PCDH11Y: variants seen among roughly 807,000 people sequenced by gnomAD.
PCDH11Y encodes protocadherin 11 Y-linked.
For missense variants in PCDH11Y, 12 were observed against 224.8 expected (o/e 0.05, Z 6.05); for synonymous variants, 9 against 83.6 (o/e 0.11, Z 4.87).
intron 2 of PCDH11Y, among the ~76,000 whole-genome samples, chrY:5,194,780 G>C: frequency 3.1e-5 from 1 of 32,539 alleles, no homozygotes; most frequent in Non-Finnish European, 7.5e-5. Flanking sequence ...TCCACCACGT[G>C]GAAGGGGACC....
intron 2 of PCDH11Y, among the ~76,000 whole-genome samples, chrY:5,332,356 CAT>C (rs2053132153): frequency 3.0e-5 from 1 of 33,836 alleles, no homozygotes; most frequent in Non-Finnish European, 7.3e-5. Context: ...CATGGTCACT[CAT>C]ATTTGACTCA....
Position 5,724,989 on chromosome Y carries a change from C to G in PCDH11Y, c.3353-12283C>G, listed in dbSNP as rs372102713. On this transcript the variant is annotated intron_variant, in intron 4 of 4. Transcript: ENST00000400457. Reference sequence around the variant, plus strand: ...AATTTTGCAGAAATAAGACGCTAATCTGGAGCTGGGTGCAGTGGCTGACGC... The same window carrying G: ...AATTTTGCAGAAATAAGACGCTAATGTGGAGCTGGGTGCAGTGGCTGACGC... Among the ~76,000 whole-genome samples the G allele has an allele frequency of 0.014, 463 of 33,253 alleles. No individual in the cohort carries two copies. The Middle Eastern group carries it at 0.27, about 19-fold the overall frequency. The allele number at this position is 33,253 out of a possible 37,273, so 89.2% of individuals were successfully genotyped here.
chrY:5,417,041 A>G, intron 2 of PCDH11Y, among the ~76,000 whole-genome samples: 1 of 29,384 alleles, frequency 3.4e-5, no homozygotes, highest in Non-Finnish European at 8.0e-5. Flanking sequence ...TAGTTCCAGA[A>G]GCTGTATGGA....
At chrY:5,179,053 G>T in intron 2 of PCDH11Y, among the ~76,000 whole-genome samples, 1 of 33,032 alleles carries the variant, frequency 3.0e-5, no homozygotes, top group South Asian at 6.8e-4. Context: ...TTGATTCCAT[G>T]TCCTTGGTAT....
At chrY:5,490,387 A>G (rs2053337486) in intron 2 of PCDH11Y, among the ~76,000 whole-genome samples, 1 of 34,249 alleles carries the variant, frequency 2.9e-5, no homozygotes, top group Non-Finnish European at 7.3e-5. Flanking sequence ...TGACCTAAGC[A>G]CTTACCAAAG....
chrY:5,319,349 A>G (rs2053110448), intron 2 of PCDH11Y, among the ~76,000 whole-genome samples: 1 of 33,498 alleles, frequency 3.0e-5, no homozygotes, highest in African/African-American at 1.2e-4. Context: ...GGGAAAAACA[A>G]CAACAACTGT....
At chrY:5,231,303 A>T in intron 2 of PCDH11Y, among the ~76,000 whole-genome samples, 1 of 33,055 alleles carries the variant, frequency 3.0e-5, no homozygotes, top group Non-Finnish European at 7.4e-5. Context: ...GGCTTTCCAG[A>T]TGTTTGAAAG....
intron 3 of PCDH11Y, among the ~76,000 whole-genome samples, chrY:5,577,382 C>A (rs2053447116): frequency 6.2e-5 from 2 of 32,506 alleles, no homozygotes; most frequent in African/African-American, 2.4e-4. Context: ...AGAAAATAAG[C>A]CATCTGGTAT....
At chrY:5,495,572 A>G (rs2053343544) in intron 2 of PCDH11Y, among the ~76,000 whole-genome samples, 1 of 33,525 alleles carries the variant, frequency 3.0e-5, no homozygotes, top group Non-Finnish European at 7.4e-5. Flanking sequence ...ATGACCCTAC[A>G]TATGATTACT....
At chrY:5,030,937 T>C in intron 1 of PCDH11Y, 1 of 28,920 alleles carries the variant, frequency 3.5e-5, no homozygotes, top group Admixed American at 3.4e-4. Flanking sequence ...GATGGATGAA[T>C]GGATGGAAGA....
chrY:5,012,816 A>T, intron 1 of PCDH11Y, among the ~76,000 whole-genome samples: 2 of 29,526 alleles, frequency 6.8e-5, no homozygotes, highest in African/African-American at 1.3e-4. Context: ...CTCTATGGTA[A>T]ATAGAAATAT....
chrY:5,043,194 T>C, intron 3 of PCDH11Y, among the ~76,000 whole-genome samples: 1 of 33,128 alleles, frequency 3.0e-5, no homozygotes, highest in Non-Finnish European at 7.4e-5. Context: ...GTGCCCGTTT[T>C]CAAAGGGAAT....
chrY:5,225,667 C>T (rs2052959124), intron 2 of PCDH11Y, among the ~76,000 whole-genome samples: 1 of 30,698 alleles, frequency 3.3e-5, no homozygotes, highest in South Asian at 7.6e-4. Flanking sequence ...CATATGATAG[C>T]ACAATTTTTA....
exon 5 of PCDH11Y, chrY:5,741,697 A>G (rs2124716938): frequency 3.1e-5 from 1 of 31,790 alleles, no homozygotes; most frequent in South Asian, 6.9e-4. Flanking sequence ...TTTCTATATT[A>G]TGTGCCAATT....
At chrY:5,163,104 A>G in intron 2 of PCDH11Y, among the ~76,000 whole-genome samples, 2 of 31,128 alleles carry the variant, frequency 6.4e-5, no homozygotes, top group South Asian at 7.2e-4. Flanking sequence ...TAACGCAGCC[A>G]GAGAAACAAG....
intron 2 of PCDH11Y, among the ~76,000 whole-genome samples, chrY:5,301,275 A>T (rs2124663179): frequency 2.9e-5 from 1 of 33,989 alleles, no homozygotes; most frequent in East Asian, 7.8e-4. Flanking sequence ...TAAGTCATTT[A>T]TTTTTAATGG....
intron 3 of PCDH11Y, among the ~76,000 whole-genome samples, chrY:5,571,554 T>C (rs2053439345): frequency 7.7e-4 from 22 of 28,682 alleles, no homozygotes; most frequent in African/African-American, 3.0e-3. Flanking sequence ...AAATGAAATC[T>C]CTGTTTCCAA....
chrY:5,485,783 A>C, intron 2 of PCDH11Y, among the ~76,000 whole-genome samples: 1 of 28,029 alleles, frequency 3.6e-5, no homozygotes, highest in Non-Finnish European at 8.3e-5. Flanking sequence ...TTCTCTTTTT[A>C]TAATATGAAT....
At chrY:5,426,887 AAT>A (rs2053263773) in intron 2 of PCDH11Y, among the ~76,000 whole-genome samples, 1 of 33,467 alleles carries the variant, frequency 3.0e-5, no homozygotes, top group Non-Finnish European at 7.5e-5. Context: ...AAACCTTAGA[AAT>A]TTGAATGTGT....
Sources: gnomAD v4.1 joint callset for allele counts (sites outside exome capture counted in the v4.1 genomes callset) on GRCh38, gnomAD v4.1.1 for gene constraint, MANE v1.5 for transcripts, NCBI Gene and HGNC (gene_info 2026-07-23, HGNC 2026-07-21) for gene names.